Variants in B9D2 observed in about 807,000 individuals in gnomAD.
B9D2 encodes the protein B9 domain containing 2.
B9D2 carries 21 observed loss-of-function variants against 19.2 expected under a neutral mutation model. The observed-to-expected ratio is 1.09, with a 90% confidence interval of 0.78 to 1.58. B9D2 has a LOEUF of 1.58. Ranked by LOEUF, B9D2 falls within the 40% of genes most tolerant of loss-of-function variation. The pLI is 0.00. For missense variants in B9D2, 221 were observed against 244.3 expected, an observed-to-expected ratio of 0.90 and a Z score of 0.64; for synonymous variants, 91 against 100.6, an observed-to-expected ratio of 0.90 and a Z score of 0.57.
Position 41,363,452 on chromosome 19 carries a change from C to T in B9D2, c.68G>A (p.Cys23Tyr). The change falls in exon 2 of 4, where the codon TGC becomes TAC. Residue 23 changes from cysteine (C) to tyrosine (Y), a missense_variant. Cys to Tyr is a radical substitution (Grantham distance 194). Transcript: ENST00000243578. Reference protein sequence around the residue: ...ASGFSESSLFCKWGIHTGAAW... With the variant: ...ASGFSESSLFYKWGIHTGAAW... ...AATACCTGTGTGAATGCCCCACTTGCAGAAGAGGCTACTTTCCGAGAAACC... is the reference window on the plus strand; with the variant it reads ...AATACCTGTGTGAATGCCCCACTTGTAGAAGAGGCTACTTTCCGAGAAACC... 1 of 1,614,120 alleles carries T rather than the reference C, an allele frequency of 6.2e-7. No homozygotes were observed. Among genetic ancestry groups the T allele is most frequent in the South Asian group, 1.1e-5 (1 of 91,082 alleles).
Position 41,354,499 on chromosome 19 carries a change from C to T in B9D2, c.*201G>A. On this transcript the variant is annotated 3_prime_UTR_variant, in exon 4 of 4. Coordinates refer to ENST00000243578, the MANE Select transcript of B9D2 (RefSeq NM_030578.4). ...TCACTCAACACCCTGCGACCCCATA[C>T]ATTTACTGTCCCCAATTTACAGATA... 2 of 691,364 alleles carry T rather than the reference C, an allele frequency of 2.9e-6. No homozygotes were observed. Among genetic ancestry groups the T allele is most frequent in the East Asian group, 2.7e-5 (1 of 36,898 alleles). 42.8% of individuals were successfully genotyped at this position (691,364 alleles called of 1,614,324 possible).
In B9D2 at chr19:41,357,947, G is replaced by T. The variant is rs749915355; in HGVS notation, c.164C>A (p.Ala55Asp). 10 of 1,614,152 alleles carry T rather than the reference G, an allele frequency of 6.2e-6. No homozygotes were observed. The East Asian group carries it at 1.8e-4, about 29-fold the overall frequency. ...CAGGTCGATGGGGTGGGACCAGTAA[G>T]CCATGTCCCCTATCTGCGGGGTGTC... ...QVDTPQIGDM[A>D]YWSHPIDLHF... is the part of the protein sequence containing the mutation. The change falls in exon 3 of 4, where the codon GCT becomes GAT. Residue 55 changes from alanine (A) to aspartate (D), a missense_variant. Physicochemically the swap from Ala to Asp is moderately radical, Grantham distance 126 (BLOSUM62 -2). Transcript: ENST00000243578.
intron 2 of B9D2, among the ~76,000 whole-genome samples, chr19:41,362,661 G>A (rs1019877177): frequency 4.6e-5 from 7 of 152,162 alleles, no homozygotes; most frequent in Non-Finnish European, 8.8e-5. Context: ...CAAGGAAGTC[G>A]AGGTGAAGAG....
intron 2 of B9D2, among the ~76,000 whole-genome samples, chr19:41,359,619 C>G (rs1197312111): frequency 6.6e-6 from 1 of 152,022 alleles, no homozygotes; most frequent in African/African-American, 2.4e-5. Flanking sequence ...AGGAGAATCA[C>G]TTGAACCCAG....
At chr19:41,362,381 A>G (rs1183104292) in intron 2 of B9D2, among the ~76,000 whole-genome samples, 1 of 148,484 alleles carries the variant, frequency 6.7e-6, no homozygotes, top group African/African-American at 2.4e-5. Context: ...CAAAAAAAAA[A>G]AAAAAAAAAA....
intron 2 of B9D2, among the ~76,000 whole-genome samples, chr19:41,359,156 C>T (rs889258356): frequency 3.3e-5 from 5 of 151,402 alleles, no homozygotes; most frequent in African/African-American, 7.3e-5. Flanking sequence ...ACAAGCCAGG[C>T]GCAGTGACTC....
chr19:41,363,960 T>C lies in B9D2; in HGVS notation c.-7A>G. On this transcript the variant is annotated splice_region_variant and 5_prime_UTR_variant, in exon 1 of 4. Coordinates refer to ENST00000243578, the MANE Select transcript of B9D2 (RefSeq NM_030578.4). The stretch of plus-strand genomic sequence containing the variant: ...CGCAGCGCATGCGTCATTCCTACCT[T>C]AGCGCACTTAACGGTTAGGAGAGGA... 1 of 294,042 alleles carries C rather than the reference T, an allele frequency of 3.4e-6. No homozygotes were observed. Among genetic ancestry groups the C allele is most frequent in the Non-Finnish European group, 6.6e-6 (1 of 151,388 alleles). 18.2% of individuals were successfully genotyped at this position (294,042 alleles called of 1,614,324 possible).
At chr19:41,361,988 G>A (rs1330570736) in intron 2 of B9D2, among the ~76,000 whole-genome samples, 1 of 81,218 alleles carries the variant, frequency 1.2e-5, no homozygotes, top group Non-Finnish European at 2.5e-5. Flanking sequence ...GCTGACATAG[G>A]AGAATCGCTT....
intron 2 of B9D2, 27 bp downstream of exon 2, chr19:41,363,405 G>C (rs539009844): frequency 6.2e-7 from 1 of 1,610,724 alleles, no homozygotes; most frequent in African/African-American, 1.3e-5. Context: ...GTCTTGGTGT[G>C]GAAATGAACC....
chr19:41,361,447 G>A (rs1045800293), intron 2 of B9D2, among the ~76,000 whole-genome samples: 1 of 152,096 alleles, frequency 6.6e-6, no homozygotes, highest in Non-Finnish European at 1.5e-5. Context: ...GGAGGGTTCC[G>A]ATTTCCTGGG....
At chr19:41,363,670 A>G (rs1048619517) in intron 1 of B9D2, 147 bp from the exon 2 acceptor site, 37 of 735,806 alleles carry the variant, frequency 5.0e-5, no homozygotes, top group Non-Finnish European at 8.0e-5. Flanking sequence ...GGTCTTGACC[A>G]CAGATCCTAA....
chr19:41,359,305 A>G lies in B9D2; in HGVS notation c.89-1283T>C, dbSNP rs540761065. On this transcript the variant is annotated intron_variant, in intron 2 of 3. Transcript: ENST00000243578. ...AATTAGGATGGGCGCAGTGGCTCAC[A>G]TCTGTAATCCTAGCACTTTGGGAAG... 6.6e-5 allele frequency among the ~76,000 whole-genome samples: 10 copies of G among 152,122 alleles called. No individual in the cohort carries two copies. The South Asian group carries it at 2.1e-3, about 32-fold the overall frequency.
chr19:41,356,942 TCAAGGCCCTG>T (rs1381659369), intron 3 of B9D2, among the ~76,000 whole-genome samples: 1 of 151,912 alleles, frequency 6.6e-6, no homozygotes, highest in African/African-American at 2.4e-5. Context: ...AGCCTGGCAC[TCAAGGCCCTG>T]CATGGCCTGT....
At chr19:41,363,394 G>A in intron 2 of B9D2, 38 bp downstream of exon 2, 1 of 1,597,718 alleles carries the variant, frequency 6.3e-7, no homozygotes, top group South Asian at 1.1e-5. Context: ...CTAGGCTAGG[G>A]GTCTTGGTGT....
At chr19:41,362,601 C>G (rs1031529942) in intron 2 of B9D2, among the ~76,000 whole-genome samples, 7 of 152,108 alleles carry the variant, frequency 4.6e-5, no homozygotes, top group African/African-American at 1.7e-4. Context: ...TCGTTTAGTA[C>G]TCATGACAAC....
At chr19:41,363,657 T>G in intron 1 of B9D2, 134 bp from the exon 2 acceptor site, 1 of 794,750 alleles carries the variant, frequency 1.3e-6, no homozygotes, top group Non-Finnish European at 2.1e-6. Context: ...CCCCTGAGGC[T>G]GAGGTCTTGA....
At chr19:41,359,231 G>C (rs2038364945) in intron 2 of B9D2, among the ~76,000 whole-genome samples, 1 of 151,936 alleles carries the variant, frequency 6.6e-6, no homozygotes, top group African/African-American at 2.4e-5. Flanking sequence ...AGGAGTTTGA[G>C]ACCAGCCCGG....
intron 3 of B9D2, among the ~76,000 whole-genome samples, chr19:41,355,775 G>A (rs553836563): frequency 6.6e-6 from 1 of 152,356 alleles, no homozygotes; most frequent in South Asian, 2.1e-4. Flanking sequence ...AGATCAGATG[G>A]TGGTAATTGC....
intron 3 of B9D2, among the ~76,000 whole-genome samples, chr19:41,355,264 C>G (rs965714881): frequency 6.6e-6 from 1 of 152,180 alleles, no homozygotes; most frequent in Non-Finnish European, 1.5e-5. Context: ...TCCCCAGTGC[C>G]CTCAGTATAA....
Sources: allele counts gnomAD v4.1 joint callset (sites outside exome capture counted in the v4.1 genomes callset), GRCh38; gene constraint gnomAD v4.1.1; transcripts MANE v1.5; gene names NCBI Gene and HGNC (gene_info 2026-07-23, HGNC 2026-07-21).